The following TPTE variants were observed in gnomAD, a reference collection of about 807,000 sequenced individuals.
TPTE encodes putative tyrosine-protein phosphatase TPTE.
TPTE carries 59 observed loss-of-function variants against 84.1 expected under a neutral mutation model. That is an observed-to-expected ratio of 0.70 (90% confidence interval 0.57 to 0.87). The LOEUF is 0.87. TPTE is among the 40% of genes least tolerant of loss of function. The pLI is 0.00. For synonymous variants in TPTE, 130 were observed against 223.5 expected (o/e 0.58, Z 3.73); for missense variants, 382 against 659.6 (o/e 0.58, Z 4.61).
intron 14 of TPTE, among the ~76,000 whole-genome samples, chr21:10,571,157 T>C (rs1444158833): frequency 1.3e-5 from 2 of 152,310 alleles, no homozygotes; most frequent in Non-Finnish European, 2.9e-5. Flanking sequence ...TGAGAACTAA[T>C]CTGAATGATG....
At chr21:10,572,326 C>G (rs1459753378) in intron 14 of TPTE, among the ~76,000 whole-genome samples, 5 of 152,302 alleles carry the variant, frequency 3.3e-5, no homozygotes, top group Non-Finnish European at 7.3e-5. Context: ...GTGGCGTGAA[C>G]CTGTAGTTCC....
intron 3 of TPTE, among the ~76,000 whole-genome samples, chr21:10,529,908 ATGG>A (rs1156648477): frequency 1.3e-5 from 2 of 152,256 alleles, no homozygotes; most frequent in Non-Finnish European, 2.9e-5. Flanking sequence ...TCATTACAAA[ATGG>A]TGATTTTTTT....
chr21:10,536,099 A>G (rs1285239890), intron 3 of TPTE, among the ~76,000 whole-genome samples: 1 of 152,308 alleles, frequency 6.6e-6, no homozygotes, highest in Admixed American at 6.5e-5. Context: ...CCAACATGGC[A>G]AAACCCTGTC....
At chr21:10,528,091 A>G (rs1213905147) in intron 3 of TPTE, among the ~76,000 whole-genome samples, 1 of 152,304 alleles carries the variant, frequency 6.6e-6, no homozygotes, top group Non-Finnish European at 1.5e-5. Flanking sequence ...ACACATAGAG[A>G]CTTCTTTCTA....
intron 14 of TPTE, among the ~76,000 whole-genome samples, chr21:10,573,059 T>TAAAAAA (rs56182104): frequency 2.0e-3 from 288 of 144,830 alleles, no homozygotes; most frequent in Middle Eastern, 3.5e-3. Flanking sequence ...TGCCAAGATT[T>TAAAAAA]AAAAAAAAAA....
At chr21:10,521,926 T>TCCCCGCCCC (rs2073984647) in intron 1 of TPTE, among the ~76,000 whole-genome samples, 1 of 115,504 alleles carries the variant, frequency 8.7e-6, no homozygotes, top group Non-Finnish European at 2.0e-5. Context: ...CCCTCCGCCC[T>TCCCCGCCCC]CCCCGTCCCC....
intron 14 of TPTE, among the ~76,000 whole-genome samples, chr21:10,573,877 A>T (rs1345622048): frequency 6.6e-6 from 1 of 152,312 alleles, no homozygotes; most frequent in Non-Finnish European, 1.5e-5. Flanking sequence ...CAACAAAACA[A>T]TGCAAATCCT....
rs1310112742 is a variant in TPTE at position 10,605,411 on chromosome 21, T to A, written c.1521-6T>A. On this transcript the variant is annotated splice_polypyrimidine_tract_variant and splice_region_variant and intron_variant, in intron 23 of 23. Transcript: ENST00000618007. ...ATAAAATGTAATAATTTTTTTCTAT[T>A]CTTAGGCTTTATCTACCAAAAAATG... The A allele has an allele frequency of 6.2e-7, 1 of 1,613,776 alleles. No homozygotes were observed. Among genetic ancestry groups the A allele is most frequent in the African/African-American group, 1.3e-5 (1 of 75,066 alleles).
chr21:10,532,061 A>G (rs1224654617), intron 3 of TPTE, among the ~76,000 whole-genome samples: 2 of 152,308 alleles, frequency 1.3e-5, no homozygotes, highest in African/African-American at 4.8e-5. Flanking sequence ...TAAGTTATTA[A>G]TGGAGCCTTT....
At chr21:10,566,945 C>G (rs1347282578) in intron 10 of TPTE, among the ~76,000 whole-genome samples, 12 of 151,798 alleles carry the variant, frequency 7.9e-5, no homozygotes, top group Admixed American at 7.2e-4. Flanking sequence ...CCATTGCACT[C>G]CAGCCTGGGC....
At chr21:10,527,235 C>T (rs1340173214) in intron 2 of TPTE, 120 bp from the exon 3 acceptor site, 1 of 152,698 alleles carries the variant, frequency 6.5e-6, no homozygotes, top group Non-Finnish European at 1.5e-5. Context: ...TTCTTTAGTT[C>T]TTGTCAAAAT....
intron 4 of TPTE, among the ~76,000 whole-genome samples, chr21:10,539,549 T>C (rs1276483447): frequency 2.6e-4 from 39 of 152,394 alleles, no homozygotes; most frequent in African/African-American, 9.1e-4. Flanking sequence ...TGTCGTGCAT[T>C]GGCCAGCTCC....
chr21:10,544,582 C>T (rs2074431264), intron 7 of TPTE, among the ~76,000 whole-genome samples: 1 of 152,304 alleles, frequency 6.6e-6, no homozygotes, highest in African/African-American at 2.4e-5. Flanking sequence ...GGCGGGGTTT[C>T]ACTATATTGG....
At chr21:10,583,569 G>T (rs1336392601) in intron 17 of TPTE, among the ~76,000 whole-genome samples, 1 of 152,306 alleles carries the variant, frequency 6.6e-6, no homozygotes, top group Non-Finnish European at 1.5e-5. Context: ...GTTAACAGAA[G>T]TTCTTAGTTG....
intron 17 of TPTE, among the ~76,000 whole-genome samples, chr21:10,579,388 G>C (rs2075229979): frequency 6.6e-6 from 1 of 152,312 alleles, no homozygotes; most frequent in African/African-American, 2.4e-5. Flanking sequence ...TACTCGGAAG[G>C]CTGAGGCAGA....
chr21:10,526,790 GT>G (rs1381260974), intron 2 of TPTE, among the ~76,000 whole-genome samples: 1 of 152,302 alleles, frequency 6.6e-6, no homozygotes, highest in Non-Finnish European at 1.5e-5. Flanking sequence ...ATTCAGCATG[GT>G]TTTATGAAGT....
chr21:10,572,157 G>C (rs866404015), intron 14 of TPTE, among the ~76,000 whole-genome samples: 322 of 151,778 alleles, frequency 2.1e-3, no homozygotes, highest in African/African-American at 7.4e-3. Context: ...AAGTCAAAAA[G>C]AGGGAATATT....
rs1283048694 is a variant in TPTE at position 10,567,062 on chromosome 21, G to A, written c.447-608G>A. ...ATGTTTGTTAAGTGAAATAAGCCAG[G>A]CACAGAAGGATAAACATCACATGTT... On this transcript the variant is annotated intron_variant, in intron 10 of 23. Coordinates refer to ENST00000618007, the MANE Select transcript of TPTE (RefSeq NM_199261.4). Among the ~76,000 whole-genome samples the A allele has an allele frequency of 5.2e-5, 6 of 116,416 alleles. No homozygotes were observed. The East Asian group carries it at 1.4e-3, about 27-fold the overall frequency. The allele number at this position is 116,416 out of a possible 152,430, so 76.4% of individuals were successfully genotyped here.
intron 7 of TPTE, among the ~76,000 whole-genome samples, chr21:10,545,275 T>C (rs1490772699): frequency 6.6e-6 from 1 of 152,310 alleles, no homozygotes; most frequent in Non-Finnish European, 1.5e-5. Flanking sequence ...GAACTGCACT[T>C]AAATTGTGAT....
Sources: allele counts gnomAD v4.1 joint callset (sites outside exome capture counted in the v4.1 genomes callset), GRCh38; gene constraint gnomAD v4.1.1; transcripts MANE v1.5; gene names NCBI Gene and HGNC (gene_info 2026-07-23, HGNC 2026-07-21).